GLMN: variants seen among roughly 807,000 people sequenced by gnomAD.
GLMN encodes glomulin.
A neutral mutation model predicts 87.8 loss-of-function variants in GLMN; 75 were observed. That is an observed-to-expected ratio of 0.85 (90% CI 0.71 to 1.04). The LOEUF is 1.04. Ranked by LOEUF, GLMN falls within the 50% of genes least tolerant of loss-of-function variation. The probability of loss-of-function intolerance (pLI) is 0.00; values close to 1 mark genes in which losing one functional copy is unlikely to be tolerated. For missense variants in GLMN, 588 were observed against 658.8 expected (o/e 0.89, Z 1.18); for synonymous variants, 206 against 221.6 (o/e 0.93, Z 0.63).
At chr1:92,298,111 T>C (rs1650350654) in intron 1 of GLMN, 82 bp from the exon 2 acceptor site, 1 of 709,252 alleles carries the variant, frequency 1.4e-6, no homozygotes, top group African/African-American at 1.8e-5. Flanking sequence ...TGATAAATTA[T>C]TAGTAAATAC....
At chr1:92,305,143 AG>A in the GLMN span, among the ~76,000 whole-genome samples, 2 of 151,564 alleles carry the variant, frequency 1.3e-5, no homozygotes, top group Non-Finnish European at 2.9e-5. Flanking sequence ...TTCAAAAAAA[AG>A]ACAATAGACC....
the GLMN span, chr1:92,320,766 C>A: frequency 1.7e-6 from 1 of 586,462 alleles, no homozygotes; most frequent in East Asian, 2.8e-5. Context: ...CTAGCCCACA[C>A]AAAGAAATAT....
At chr1:92,262,737 T>C (rs961204198) in intron 16 of GLMN, 126 bp downstream of exon 16, 2 of 570,324 alleles carry the variant, frequency 3.5e-6, no homozygotes, top group Non-Finnish European at 6.6e-6. Context: ...AGAATAATTG[T>C]TGGCACTCTT....
At chr1:92,300,550 GTT>G (rs1650763880), upstream of GLMN, among the ~76,000 whole-genome samples, 1 of 152,158 alleles carries the variant, frequency 6.6e-6, no homozygotes, top group South Asian at 2.1e-4. Flanking sequence ...CACTCTCCAA[GTT>G]TCGCTGTCAC....
chr1:92,297,657 G>A, intron 2 of GLMN, 128 bp from the exon 3 acceptor site: 4 of 829,544 alleles, frequency 4.8e-6, no homozygotes, highest in South Asian at 3.1e-5. Flanking sequence ...TAAATGTAAC[G>A]TAAATAACAC....
In GLMN at chr1:92,275,347, T is replaced by C. The variant is rs541242551; in HGVS notation, c.736-3695A>G. ...AATTTCTCAACATGTTTTCTTACCT[T>C]GATACCCACTAGTTCTTCCTGTCTA... On this transcript the variant is annotated intron_variant, in intron 7 of 18. Coordinates refer to ENST00000370360, the MANE Select transcript of GLMN (RefSeq NM_053274.3). 5.9e-5 allele frequency among the ~76,000 whole-genome samples: 9 copies of C among 152,376 alleles called. No homozygotes were observed. The East Asian group carries it at 1.5e-3, about 26-fold the overall frequency.
intron 7 of GLMN, 113 bp from the exon 8 acceptor site, chr1:92,271,765 G>A (rs1267660349): frequency 2.7e-6 from 2 of 744,918 alleles, no homozygotes; most frequent in Non-Finnish European, 4.8e-6. Context: ...CTCCCTTTGA[G>A]CGTGAGTGGG....
chr1:92,269,226 A>G (rs1655980342), intron 9 of GLMN, among the ~76,000 whole-genome samples: 1 of 151,080 alleles, frequency 6.6e-6, no homozygotes, highest in Non-Finnish European at 1.5e-5. Flanking sequence ...TTAAATAGAA[A>G]GTCCTGCTGC....
At chr1:92,366,417 GTACCACAAAGTAGT>G in the GLMN span, among the ~76,000 whole-genome samples, 1 of 152,280 alleles carries the variant, frequency 6.6e-6, no homozygotes, top group Non-Finnish European at 1.5e-5. Context: ...GTTTAGCAAA[GTACCACAAAGTAGT>G]TACCTATGCA....
intron 16 of GLMN, among the ~76,000 whole-genome samples, chr1:92,256,320 A>G (rs952608937): frequency 2.6e-5 from 4 of 152,168 alleles, no homozygotes; most frequent in African/African-American, 9.7e-5. Flanking sequence ...ATTCTACCAG[A>G]GGTACAAAGA....
the GLMN span, among the ~76,000 whole-genome samples, chr1:92,358,548 T>C: frequency 1.3e-5 from 2 of 152,224 alleles, no homozygotes; most frequent in African/African-American, 4.8e-5. Flanking sequence ...TAATGTATGC[T>C]TGTCTCACTG....
chr1:92,299,212 C>T (rs1047322407), upstream of GLMN: 2 of 1,016,244 alleles, frequency 2.0e-6, no homozygotes, highest in Non-Finnish European at 1.4e-6. Context: ...GAGTTATAGA[C>T]CGCAGCGCGC....
At chr1:92,316,555 T>A in the GLMN span, among the ~76,000 whole-genome samples, 45 of 152,352 alleles carry the variant, frequency 3.0e-4, 1 homozygote, top group South Asian at 8.9e-3. Flanking sequence ...AATCATCTAA[T>A]TTATACCTTA....
At chr1:92,273,931 G>A (rs556569125) in intron 7 of GLMN, among the ~76,000 whole-genome samples, 2 of 152,188 alleles carry the variant, frequency 1.3e-5, no homozygotes, top group African/African-American at 4.8e-5. Flanking sequence ...CAATATTCAT[G>A]GCAGCTTTTG....
chr1:92,350,819 C>A, the GLMN span, among the ~76,000 whole-genome samples: 2 of 152,054 alleles, frequency 1.3e-5, no homozygotes, highest in Non-Finnish European at 2.9e-5. Context: ...ATAGTTCCAG[C>A]TACTCTGGAG....
intron 7 of GLMN, among the ~76,000 whole-genome samples, chr1:92,286,227 A>ATT (rs1648731371): frequency 6.6e-6 from 1 of 150,566 alleles, no homozygotes; most frequent in Non-Finnish European, 1.5e-5. Context: ...AGATTACAAG[A>ATT]TTATATATAT....
intron 7 of GLMN, among the ~76,000 whole-genome samples, chr1:92,279,738 G>A (rs924714242): frequency 2.0e-4 from 30 of 152,224 alleles, no homozygotes; most frequent in Non-Finnish European, 2.9e-5. Context: ...TGGAGAAACA[G>A]TACACTCCTG....
intron 3 of GLMN, among the ~76,000 whole-genome samples, chr1:92,296,831 A>T (rs1469907098): frequency 6.6e-6 from 1 of 152,222 alleles, no homozygotes; most frequent in East Asian, 1.9e-4. Flanking sequence ...CACATAAAAT[A>T]CTGTTTTAAT....
chr1:92,302,213 G>A (rs569309559), upstream of GLMN, among the ~76,000 whole-genome samples: 4 of 152,010 alleles, frequency 2.6e-5, no homozygotes, highest in African/African-American at 7.2e-5. Context: ...GGAGGCAGAC[G>A]TTGCAGTGAG....
Sources: gnomAD v4.1 joint callset for allele counts (sites outside exome capture counted in the v4.1 genomes callset) on GRCh38, gnomAD v4.1.1 for gene constraint, MANE v1.5 for transcripts, NCBI Gene and HGNC (gene_info 2026-07-23, HGNC 2026-07-21) for gene names.